KIF26B: variants seen among roughly 807,000 people sequenced by gnomAD.
KIF26B encodes the protein kinesin-like protein KIF26B.
KIF26B carries 63 observed loss-of-function variants against 151.2 expected under a neutral mutation model. That is an observed-to-expected ratio of 0.42 (90% CI 0.34 to 0.51). KIF26B has a LOEUF of 0.51. Among genes scored for constraint, KIF26B ranks in the 20% least tolerant of loss-of-function variants. The pLI is 0.07. For synonymous variants in KIF26B, 1,357 were observed against 1,262.1 expected, an observed-to-expected ratio of 1.08 and a Z score of -1.59; for missense variants, 2,813 against 2,913.6, an observed-to-expected ratio of 0.97 and a Z score of 0.79.
intron 4 of KIF26B, among the ~76,000 whole-genome samples, chr1:245,435,087 CCATCCA>C (rs1658880447): frequency 5.3e-5 from 8 of 151,086 alleles, no homozygotes; most frequent in Non-Finnish European, 7.4e-5. Context: ...ATCCATCCAT[CCATCCA>C]TCTCTCCATC....
intron 2 of KIF26B, among the ~76,000 whole-genome samples, chr1:245,165,487 G>T (rs548884516): frequency 1.3e-5 from 2 of 152,176 alleles, no homozygotes; most frequent in South Asian, 2.1e-4. Flanking sequence ...TCCTGTTGGC[G>T]CTCTAGAGCG....
Position 245,687,293 on chromosome 1 carries a change from T to C in KIF26B, c.4310T>C (p.Phe1437Ser), listed in dbSNP as rs1455912952. 2 of 1,608,448 alleles carry C rather than the reference T, an allele frequency of 1.2e-6. No homozygotes were observed. The highest frequency in any genetic ancestry group is 1.7e-6 in the Non-Finnish European group (2 of 1,178,032). The change falls in exon 12 of 15, where the codon TTT (phenylalanine) becomes TCT (serine). Residue 1437 changes from phenylalanine (F) to serine (S), a missense_variant. This residue lies in a region of KIF26B where 2,060 missense variants were observed against 2,088.6 expected (regional missense o/e 0.99). Coordinates refer to ENST00000407071, the MANE Select transcript of KIF26B (RefSeq NM_018012.4). This position sits in a 1 kb window ranked among gnomAD's most constrained non-coding sequence, Gnocchi z 4.9. ...KENSAKKEMKFEDPWLKREEE... is the reference protein window; with the variant it reads ...KENSAKKEMKSEDPWLKREEE... Reference sequence around the variant, plus strand: ...AACAGTGCAAAGAAAGAGATGAAATTTGAGGACCCGTGGCTGAAACGAGAA... The same window carrying C: ...AACAGTGCAAAGAAAGAGATGAAATCTGAGGACCCGTGGCTGAAACGAGAA...
At chr1:245,242,249 G>A (rs1416180115) in intron 2 of KIF26B, among the ~76,000 whole-genome samples, 2 of 152,154 alleles carry the variant, frequency 1.3e-5, no homozygotes, top group African/African-American at 4.8e-5. Flanking sequence ...CCAAAATAGG[G>A]AACATATTGA....
At chr1:245,376,015 A>G (rs917481281) in intron 3 of KIF26B, among the ~76,000 whole-genome samples, 3 of 152,146 alleles carry the variant, frequency 2.0e-5, no homozygotes, top group African/African-American at 7.2e-5. Context: ...CTCCATTGGT[A>G]GCTAGTCATT....
In KIF26B at chr1:245,224,703, A is replaced by T. The variant is rs181375994; in HGVS notation, c.465+68020A>T. Among the ~76,000 whole-genome samples the T allele has an allele frequency of 1.1e-3, 169 of 152,354 alleles. 1 individual carries two copies. The highest frequency in any genetic ancestry group is 4.0e-3 in the African/African-American group (165 of 41,584). ...ATAATGACATGCATCAACATTTGCA[A>T]GATATGTATAACTCACTGAATAATT... On this transcript the variant is annotated intron_variant, in intron 2 of 14. Coordinates refer to ENST00000407071, the MANE Select transcript of KIF26B (RefSeq NM_018012.4).
intron 2 of KIF26B, among the ~76,000 whole-genome samples, chr1:245,231,399 C>A (rs1669994548): frequency 6.6e-6 from 1 of 152,054 alleles, no homozygotes; most frequent in African/African-American, 2.4e-5. Flanking sequence ...ACGTGTAATC[C>A]CAGCTACTTG....
At chr1:245,174,591 CA>C (rs1668772024) in intron 2 of KIF26B, among the ~76,000 whole-genome samples, 1 of 152,184 alleles carries the variant, frequency 6.6e-6, no homozygotes, top group African/African-American at 2.4e-5. Context: ...GCTGTAACCT[CA>C]AACTCCTGGG....
At chr1:245,322,421 A>C (rs952843324) in intron 2 of KIF26B, among the ~76,000 whole-genome samples, 6 of 152,206 alleles carry the variant, frequency 3.9e-5, no homozygotes, top group African/African-American at 1.4e-4. Flanking sequence ...CACAAAAAGG[A>C]AAGTACATTT....
At chr1:245,526,730 C>T (rs749318238) in intron 4 of KIF26B, among the ~76,000 whole-genome samples, 26 of 152,198 alleles carry the variant, frequency 1.7e-4, no homozygotes, top group Non-Finnish European at 1.6e-4. Context: ...ACTCGCTCTG[C>T]GAAGGCTGCC....
chr1:245,613,129 T>G (rs997082268), intron 9 of KIF26B, among the ~76,000 whole-genome samples: 2 of 152,186 alleles, frequency 1.3e-5, no homozygotes, highest in Non-Finnish European at 2.9e-5. Flanking sequence ...CTGCCGGGCT[T>G]TCAATACACA....
Position 245,419,620 on chromosome 1 carries a change from A to T in KIF26B, c.1041A>T (p.Thr347=). Residue 347 remains threonine, a synonymous_variant, in exon 4 of 15, where the codon ACA becomes ACT. Transcript: ENST00000407071. ...LMTESSREGL[T]EAVLNRYNAD... The stretch of plus-strand genomic sequence containing the variant: ...CAGAGAGTAGCCGGGAGGGACTAAC[A>T]GAAGCAGTGCTGAACCGCTACAATG... The T allele has an allele frequency of 1.2e-6, 2 of 1,613,708 alleles. No individual in the cohort carries two copies. Among genetic ancestry groups the T allele is most frequent in the Non-Finnish European group, 1.7e-6 (2 of 1,179,720 alleles).
chr1:245,602,757 G>A lies in KIF26B; in HGVS notation c.1531G>A (p.Ala511Thr). The stretch of plus-strand genomic sequence containing the variant: ...TCCTCCAAAGATGTTTGCCTTCGAT[G>A]CAGTTTTTCCACAAGACGCTTCTCA... ...QVPPKMFAFD[A>T]VFPQDASQAE... The change falls in exon 6 of 15, where the codon GCA becomes ACA. Residue 511 changes from alanine (A) to threonine (T), a missense_variant. Ala to Thr is a moderately conservative substitution (Grantham distance 58). Around this residue, in one of 3 missense-constraint regions of KIF26B, gnomAD observed 676 missense variants for 688.1 expected, o/e 0.98. Coordinates refer to ENST00000407071, the MANE Select transcript of KIF26B (RefSeq NM_018012.4). This position sits in a 1 kb window ranked among gnomAD's most constrained non-coding sequence, Gnocchi z 4.5. 6.2e-7 allele frequency: 1 copy of A among 1,613,862 alleles called. No homozygotes were observed. Among genetic ancestry groups the A allele is most frequent in the Non-Finnish European group, 8.5e-7 (1 of 1,179,896 alleles).
At chr1:245,505,862 C>T (rs1376184685) in intron 4 of KIF26B, among the ~76,000 whole-genome samples, 2 of 152,048 alleles carry the variant, frequency 1.3e-5, no homozygotes, top group Non-Finnish European at 2.9e-5. Flanking sequence ...ACCATCTCTG[C>T]GTTGTATTTT....
chr1:245,268,811 A>T (rs1670796754), intron 2 of KIF26B, among the ~76,000 whole-genome samples: 1 of 152,174 alleles, frequency 6.6e-6, no homozygotes, highest in Non-Finnish European at 1.5e-5. Context: ...GCCAACATTA[A>T]GGTGACCAAA....
rs116705728 is a variant in KIF26B at position 245,686,040 on chromosome 1, G to A, written c.3057G>A (p.Pro1019=). The change falls in exon 12 of 15, where the codon CCG becomes CCA. Residue 1019 remains proline (P), a synonymous_variant. Transcript: ENST00000407071. This position sits in a 1 kb window ranked among gnomAD's most constrained non-coding sequence, Gnocchi z 5.6. The part of the protein sequence containing the change: ...PAAAPAHSPS[P]ASPRSVPGSS... ...CGGCACCCGCCCACAGCCCCAGCCC[G>A]GCCTCACCCAGGAGCGTCCCGGGCA... The A allele has an allele frequency of 0.054, 86,274 of 1,594,734 alleles. 2,734 individuals are homozygous for A. Among genetic ancestry groups the A allele is most frequent in the Non-Finnish European group, 0.062 (73,155 of 1,171,356 alleles).
chr1:245,676,777 A>G (rs1012830985), intron 10 of KIF26B, among the ~76,000 whole-genome samples: 2 of 152,160 alleles, frequency 1.3e-5, no homozygotes, highest in African/African-American at 4.8e-5. Flanking sequence ...TCCATCCAGT[A>G]TTTTCTGATG....
intron 3 of KIF26B, among the ~76,000 whole-genome samples, chr1:245,382,533 TTGTG>T (rs71563746): frequency 2.7e-5 from 4 of 150,002 alleles, no homozygotes; most frequent in African/African-American, 4.9e-5. Context: ...AAGCACAGGT[TTGTG>T]TGTGTGTGTG....
intron 4 of KIF26B, among the ~76,000 whole-genome samples, chr1:245,476,649 C>T (rs1045134175): frequency 6.6e-6 from 1 of 151,508 alleles, no homozygotes. Context: ...GATGCTCACA[C>T]CTCAGCCTCC....
chr1:245,344,303 TA>T (rs1184836263), intron 2 of KIF26B, among the ~76,000 whole-genome samples: 1 of 151,714 alleles, frequency 6.6e-6, no homozygotes, highest in Non-Finnish European at 1.5e-5. Context: ...GCCTTCTGTG[TA>T]AGATTTTGTT....
Sources: allele counts gnomAD v4.1 joint callset (sites outside exome capture counted in the v4.1 genomes callset), GRCh38; gene constraint gnomAD v4.1.1; regional missense constraint gnomAD v4.1.1; non-coding constraint Gnocchi (gnomAD v3.1); transcripts MANE v1.5; gene names NCBI Gene and HGNC (gene_info 2026-07-23, HGNC 2026-07-21).